The following IL1RAPL1 variants were observed in gnomAD, a reference collection of about 807,000 sequenced individuals.
IL1RAPL1 encodes the protein interleukin 1 receptor accessory protein like 1.
In IL1RAPL1, 3 loss-of-function variants were observed where a neutral mutation model predicts 48.4. The observed-to-expected ratio is 0.06, with a 90% CI of 0.03 to 0.16. IL1RAPL1 has a LOEUF of 0.16. IL1RAPL1 is among the 10% of genes least tolerant of loss of function. The probability of loss-of-function intolerance (pLI) is 1.00; values close to 1 mark genes in which losing one functional copy is unlikely to be tolerated. For missense variants in IL1RAPL1, 349 were observed against 530.6 expected (o/e 0.66, Z 3.36); for synonymous variants, 185 against 187.7 (o/e 0.99, Z 0.12).
At position 29,142,083 on chromosome X, in the gene IL1RAPL1, A is replaced by G. The variant is rs185757667; in HGVS notation, c.83-140855A>G. 3.8e-3 allele frequency among the ~76,000 whole-genome samples: 422 copies of G among 112,098 alleles called. 1 individual carries two copies. Among genetic ancestry groups the G allele is most frequent in the Admixed American group, 5.4e-3 (57 of 10,501 alleles). ...AAAATAGATAACCTTTGATTTTTAT[A>G]TTTATTCCATTTTTCTCTGACAGAG... On this transcript the variant is annotated intron_variant, in intron 2 of 10. Coordinates refer to ENST00000378993, the MANE Select transcript of IL1RAPL1 (RefSeq NM_014271.4).
chrX:29,409,613 A>G (rs1385175390), intron 5 of IL1RAPL1, among the ~76,000 whole-genome samples: 1 of 111,442 alleles, frequency 9.0e-6, no homozygotes, highest in African/African-American at 3.3e-5. Flanking sequence ...TTGAATAAAA[A>G]CAAGATGTTT....
chrX:28,745,785 TTGATG>T (rs1410531617), intron 1 of IL1RAPL1, among the ~76,000 whole-genome samples: 6 of 111,721 alleles, frequency 5.4e-5, no homozygotes, highest in African/African-American at 1.3e-4. Context: ...AAGAGAATTC[TTGATG>T]TGATATATAT....
chrX:28,747,413 A>T (rs957314648), intron 1 of IL1RAPL1, among the ~76,000 whole-genome samples: 6 of 111,029 alleles, frequency 5.4e-5, no homozygotes, highest in Admixed American at 9.6e-5. Flanking sequence ...AGGCGGGCGG[A>T]TCACTTCACT....
At chrX:28,703,781 A>G (rs767897258) in intron 1 of IL1RAPL1, among the ~76,000 whole-genome samples, 1 of 112,008 alleles carries the variant, frequency 8.9e-6, no homozygotes, top group African/African-American at 3.2e-5. Context: ...TGATCTTTTC[A>G]AAAGAAAAGA....
intron 2 of IL1RAPL1, among the ~76,000 whole-genome samples, chrX:29,164,485 G>C (rs1929747391): frequency 9.0e-6 from 1 of 111,578 alleles, no homozygotes; most frequent in African/African-American, 3.3e-5. Flanking sequence ...CCATTGACAG[G>C]TTCTGTTTTT....
chrX:29,228,389 C>T (rs749321245), intron 2 of IL1RAPL1, among the ~76,000 whole-genome samples: 82 of 89,791 alleles, frequency 9.1e-4, no homozygotes, highest in African/African-American at 3.2e-3. Context: ...GAGTCTCACC[C>T]TGTTACCCAG....
intron 2 of IL1RAPL1, among the ~76,000 whole-genome samples, chrX:29,091,131 C>T (rs769369050): frequency 8.9e-6 from 1 of 112,043 alleles, no homozygotes; most frequent in Non-Finnish European, 1.9e-5. Flanking sequence ...TGCTATCTTT[C>T]GTATTCTTTA....
intron 6 of IL1RAPL1, among the ~76,000 whole-genome samples, chrX:29,823,462 C>G (rs766918091): frequency 8.9e-6 from 1 of 112,056 alleles, no homozygotes; most frequent in South Asian, 3.7e-4. Flanking sequence ...TGTTAAAACA[C>G]TGGAACACAG....
chrX:29,438,104 G>A (rs1934502330), intron 5 of IL1RAPL1, among the ~76,000 whole-genome samples: 1 of 110,992 alleles, frequency 9.0e-6, no homozygotes, highest in Non-Finnish European at 1.9e-5. Flanking sequence ...TGAGTGAGTT[G>A]TCACAGTTCA....
intron 5 of IL1RAPL1, among the ~76,000 whole-genome samples, chrX:29,403,932 T>C (rs966140922): frequency 8.9e-6 from 1 of 112,495 alleles, no homozygotes; most frequent in Non-Finnish European, 1.9e-5. Flanking sequence ...CCTTACAGAC[T>C]TCACTCATTT....
chrX:29,904,058 C>T (rs1356849265), intron 6 of IL1RAPL1, among the ~76,000 whole-genome samples: 2 of 112,256 alleles, frequency 1.8e-5, no homozygotes, highest in Admixed American at 1.9e-4. Flanking sequence ...GGTCTCTCTT[C>T]TCCTTAACTT....
intron 5 of IL1RAPL1, among the ~76,000 whole-genome samples, chrX:29,506,438 T>TCCTC (rs1556025757): frequency 0.3 from 26,734 of 90,480 alleles, 3,729 homozygotes; most frequent in East Asian, 0.51. Context: ...TCCTTCTCCT[T>TCCTC]CTCCTCCTCC....
At chrX:29,944,556 G>GA (rs1469809341) in intron 9 of IL1RAPL1, among the ~76,000 whole-genome samples, 2 of 111,946 alleles carry the variant, frequency 1.8e-5, no homozygotes, top group African/African-American at 3.2e-5. Flanking sequence ...TTTCTACTGA[G>GA]AAAAAACTCA....
At chrX:29,004,302 G>A (rs1925925985) in intron 2 of IL1RAPL1, among the ~76,000 whole-genome samples, 1 of 112,259 alleles carries the variant, frequency 8.9e-6, no homozygotes, top group Non-Finnish European at 1.9e-5. Context: ...CAAATTTATG[G>A]AAAACGTACT....
intron 1 of IL1RAPL1, among the ~76,000 whole-genome samples, chrX:28,671,876 A>G (rs1182800388): frequency 5.3e-5 from 6 of 112,475 alleles, no homozygotes; most frequent in Admixed American, 1.9e-4. Context: ...ATAGTGTTAA[A>G]TTGATTCACC....
intron 6 of IL1RAPL1, among the ~76,000 whole-genome samples, chrX:29,802,857 ACG>A (rs1347947447): frequency 1.3e-4 from 12 of 91,019 alleles, no homozygotes; most frequent in African/African-American, 5.0e-4. Flanking sequence ...ATGTGTATAT[ACG>A]TGTACATATG....
At chrX:28,855,539 A>G (rs1247393177) in intron 2 of IL1RAPL1, among the ~76,000 whole-genome samples, 1 of 111,127 alleles carries the variant, frequency 9.0e-6, no homozygotes, top group Non-Finnish European at 1.9e-5. Context: ...GGGTACATAG[A>G]TTAATATATT....
intron 6 of IL1RAPL1, among the ~76,000 whole-genome samples, chrX:29,783,987 A>G (rs1470598306): frequency 9.0e-6 from 1 of 111,727 alleles, no homozygotes; most frequent in South Asian, 3.7e-4. Flanking sequence ...CTTCAACTAC[A>G]TAGAGTAACC....
chrX:28,964,674 A>C (rs1924876821), intron 2 of IL1RAPL1, among the ~76,000 whole-genome samples: 1 of 111,548 alleles, frequency 9.0e-6, no homozygotes, highest in Admixed American at 9.5e-5. Flanking sequence ...TTGCTCTTTA[A>C]GTGCAAGTTT....
Sources: gnomAD v4.1 joint callset for allele counts (sites outside exome capture counted in the v4.1 genomes callset) on GRCh38, gnomAD v4.1.1 for gene constraint, MANE v1.5 for transcripts, NCBI Gene and HGNC (gene_info 2026-07-23, HGNC 2026-07-21) for gene names.